The following PDE1C variants were observed in gnomAD, a reference collection of about 807,000 sequenced individuals.
PDE1C encodes dual specificity calcium/calmodulin-dependent 3',5'-cyclic nucleotide phosphodiesterase 1C.
A neutral mutation model predicts 93.1 loss-of-function variants in PDE1C; 62 were observed. The observed-to-expected ratio is 0.67, with a 90% CI of 0.54 to 0.82. The LOEUF is 0.82. Among genes scored for constraint, PDE1C ranks in the 40% least tolerant of loss-of-function variants. The pLI, the probability that PDE1C is intolerant of heterozygous loss-of-function variation, is 0.00. For missense variants in PDE1C, 742 were observed against 884.6 expected (o/e 0.84, Z 2.04); for synonymous variants, 325 against 310.1 (o/e 1.05, Z -0.50).
intron 1 of PDE1C, among the ~76,000 whole-genome samples, chr7:32,253,549 A>G (rs80010009): frequency 0.014 from 2,068 of 152,292 alleles, 53 homozygotes; most frequent in African/African-American, 0.046. Context: ...TCTTAAATGG[A>G]TGGATTTCCA....
chr7:31,971,432 A>G (rs1456200790), intron 2 of PDE1C, among the ~76,000 whole-genome samples: 1 of 152,176 alleles, frequency 6.6e-6, no homozygotes, highest in African/African-American at 2.4e-5. Context: ...GCTGCAGCTC[A>G]GTTTCCTCAT....
At chr7:32,306,091 C>T (rs1812993923) in intron 1 of PDE1C, among the ~76,000 whole-genome samples, 1 of 152,130 alleles carries the variant, frequency 6.6e-6, no homozygotes, top group Non-Finnish European at 1.5e-5. Context: ...TTCACTTGAT[C>T]CTTCATTCTC....
intron 2 of PDE1C, among the ~76,000 whole-genome samples, chr7:31,882,066 A>G (rs2128881025): frequency 6.6e-6 from 1 of 152,310 alleles, no homozygotes; most frequent in African/African-American, 2.4e-5. Flanking sequence ...CATGAAAATG[A>G]CCCACAATAA....
intron 3 of PDE1C, among the ~76,000 whole-genome samples, chr7:32,089,732 TTTCC>T (rs1797357757): frequency 6.6e-6 from 1 of 151,486 alleles, no homozygotes. Flanking sequence ...TTCACAAGAG[TTTCC>T]ACTGAAAAAA....
upstream of PDE1C, among the ~76,000 whole-genome samples, chr7:32,074,913 T>C (rs920294914): frequency 6.6e-6 from 1 of 152,226 alleles, no homozygotes; most frequent in Non-Finnish European, 1.5e-5. Context: ...GATCAGCCAT[T>C]CTCTTGTTGT....
At chr7:32,065,063 G>A (rs1795235228) in intron 1 of PDE1C, among the ~76,000 whole-genome samples, 4 of 142,992 alleles carry the variant, frequency 2.8e-5, no homozygotes, top group Admixed American at 7.0e-5. Context: ...GGGGGGGGGG[G>A]GAGGAGCCGG....
chr7:31,939,216 GAC>G, intron 2 of PDE1C, among the ~76,000 whole-genome samples: 1 of 151,548 alleles, frequency 6.6e-6, no homozygotes, highest in East Asian at 1.9e-4. Flanking sequence ...CAGAGAGAGA[GAC>G]AGAAGAAGAA....
At chr7:31,651,860 CTA>C in the PDE1C span, 3 of 946,334 alleles carry the variant, frequency 3.2e-6, no homozygotes, top group African/African-American at 5.0e-5. Flanking sequence ...AAGGAAGAAC[CTA>C]TATTATGAGG....
At chr7:32,046,018 C>T (rs139897230) in intron 2 of PDE1C, among the ~76,000 whole-genome samples, 171 of 152,218 alleles carry the variant, frequency 1.1e-3, no homozygotes, top group African/African-American at 3.6e-3. Flanking sequence ...TACTGAGCCA[C>T]GTCAAAATCC....
chr7:31,972,029 A>G (rs78654919), intron 2 of PDE1C, among the ~76,000 whole-genome samples: 12,040 of 152,238 alleles, frequency 0.079, 626 homozygotes, highest in Middle Eastern at 0.15. Flanking sequence ...TCTGAATTGG[A>G]GTCTGCTTCT....
In PDE1C at chr7:32,247,241, T is replaced by TGACATGG. The variant is rs1475091930; in HGVS notation, c.86-37703_86-37702insCCATGTC. 2.3e-3 allele frequency among the ~76,000 whole-genome samples: 285 copies of TGACATGG among 123,132 alleles called. 8 individuals are homozygous for TGACATGG. The highest frequency in any genetic ancestry group is 4.2e-3 in the Middle Eastern group (1 of 238). The allele number at this position is 123,132 out of a possible 152,430, so 80.8% of individuals were successfully genotyped here. On this transcript the variant is annotated intron_variant, in intron 1 of 18. Transcript: ENST00000396193. Reference sequence around the variant, plus strand: ...AATGACTAGAGAGGTTTTGTGCGAATTGAAGCAGTGGCCACAGACCAGGTC... The same window carrying TGACATGG: ...AATGACTAGAGAGGTTTTGTGCGAATGACATGGTGAAGCAGTGGCCACAGACCAGGTC...
At chr7:31,734,642 C>T in the PDE1C span, among the ~76,000 whole-genome samples, 2 of 151,948 alleles carry the variant, frequency 1.3e-5, no homozygotes, top group African/African-American at 4.8e-5. Flanking sequence ...CTGTTTCGTG[C>T]CCAAGAGCAA....
the PDE1C span, chr7:31,687,182 C>G: frequency 6.6e-6 from 1 of 152,598 alleles, no homozygotes; most frequent in South Asian, 2.1e-4. Context: ...GCAGCTGGTC[C>G]CTAGATAAGA....
chr7:32,112,844 GTGTA>G (rs1284304999), intron 3 of PDE1C, among the ~76,000 whole-genome samples: 779 of 54,022 alleles, frequency 0.014, 3 homozygotes, highest in Middle Eastern at 0.067. Context: ...GTGTGTGTGT[GTGTA>G]TATATATATA....
In PDE1C at chr7:32,000,629, C is replaced by T. The variant is rs377454668; in HGVS notation, c.128+50925G>A. Among the ~76,000 whole-genome samples the T allele has an allele frequency of 8.5e-5, 13 of 152,098 alleles. No homozygotes were observed. The East Asian group carries it at 2.1e-3, about 25-fold the overall frequency. On this transcript the variant is annotated intron_variant, in intron 2 of 17. Transcript: ENST00000396191. ...CAAACACAGCCAGAGGAGTGGAAAT[C>T]GGAGCTTTCATCATGGGGCAGGTGC...
At chr7:32,246,362 A>G (rs1254206011) in intron 1 of PDE1C, among the ~76,000 whole-genome samples, 1 of 152,118 alleles carries the variant, frequency 6.6e-6, no homozygotes, top group African/African-American at 2.4e-5. Flanking sequence ...GCTCTGCCCC[A>G]TTGGAGGCAG....
intron 2 of PDE1C, among the ~76,000 whole-genome samples, chr7:32,012,254 TG>T (rs1356930099): frequency 6.6e-6 from 1 of 151,652 alleles, no homozygotes; most frequent in Non-Finnish European, 1.5e-5. Flanking sequence ...TTTACAATCA[TG>T]GCAGAAGGTG....
At chr7:32,232,352 C>G (rs1256641102) in intron 1 of PDE1C, among the ~76,000 whole-genome samples, 2 of 152,130 alleles carry the variant, frequency 1.3e-5, no homozygotes, top group Non-Finnish European at 2.9e-5. Flanking sequence ...ATTGTCCATT[C>G]TTTTGCACCT....
chr7:32,266,059 G>T (rs887063540), intron 1 of PDE1C, among the ~76,000 whole-genome samples: 1 of 122,836 alleles, frequency 8.1e-6, no homozygotes, highest in South Asian at 2.4e-4. Context: ...CAGATCATGA[G>T]GTCAGGAGAT....
Sources: allele counts gnomAD v4.1 joint callset (sites outside exome capture counted in the v4.1 genomes callset), GRCh38; gene constraint gnomAD v4.1.1; transcripts MANE v1.5; gene names NCBI Gene and HGNC (gene_info 2026-07-23, HGNC 2026-07-21).